Variants in KLHL38 observed in about 807,000 individuals in gnomAD.
KLHL38 encodes kelch like family member 38.
A neutral mutation model predicts 39.6 loss-of-function variants in KLHL38; 38 were observed. That is an observed-to-expected ratio of 0.96 (90% CI 0.74 to 1.26). The LOEUF (loss-of-function observed/expected upper bound fraction) is 1.26. Among genes scored for constraint, KLHL38 ranks in the 50% most tolerant of loss-of-function variants. The pLI is 0.00. For missense variants in KLHL38, 803 were observed against 748.1 expected, an observed-to-expected ratio of 1.07 and a Z score of -0.86; for synonymous variants, 322 against 302.2, an observed-to-expected ratio of 1.07 and a Z score of -0.68.
At chr8:123,647,722 A>G (rs1818686371) in intron 2 of KLHL38, among the ~76,000 whole-genome samples, 1 of 152,256 alleles carries the variant, frequency 6.6e-6, no homozygotes, top group Non-Finnish European at 1.5e-5. Flanking sequence ...AGAAGGAACA[A>G]GAGCATTTAT....
intron 2 of KLHL38, among the ~76,000 whole-genome samples, chr8:123,649,122 C>A (rs1812585806): frequency 1.3e-5 from 2 of 152,152 alleles, no homozygotes; most frequent in African/African-American, 4.8e-5. Flanking sequence ...TAGCTTGAAG[C>A]TTAAACTCTG....
At chr8:123,647,245 C>A (rs1158256244) in intron 2 of KLHL38, among the ~76,000 whole-genome samples, 1 of 152,138 alleles carries the variant, frequency 6.6e-6, no homozygotes, top group Non-Finnish European at 1.5e-5. Flanking sequence ...GGCTGTAATT[C>A]TATAGAATAG....
At chr8:123,649,851 C>G (rs977327325) in intron 2 of KLHL38, among the ~76,000 whole-genome samples, 14 of 152,192 alleles carry the variant, frequency 9.2e-5, no homozygotes, top group Non-Finnish European at 2.1e-4. Flanking sequence ...CCTCTTTGCT[C>G]TGTCTTGCAA....
In KLHL38 at chr8:123,652,549, G is replaced by A. The variant is rs748002639; in HGVS notation, c.378C>T (p.Tyr126=). The A allele has an allele frequency of 6.2e-6, 10 of 1,614,188 alleles. No individual in the cohort carries two copies. In the African/African-American group the frequency reaches 9.3e-5, roughly 15 times the overall value. Reference sequence around the variant, plus strand: ...TGCTGGGGGCCAACTGGCTCTGCAAGTACGAGGAGCAGGCCTCAAACAGCT... The same window carrying A: ...TGCTGGGGGCCAACTGGCTCTGCAAATACGAGGAGCAGGCCTCAAACAGCT... ...FPKLFEACSS[Y]LQSQLAPSNC... is the part of the protein sequence containing the mutation. The change falls in exon 2 of 4, where the codon TAC becomes TAT. Residue 126 remains tyrosine, a synonymous_variant. Transcript: ENST00000684634.
At chr8:123,646,078 T>G (rs1481389463) in intron 3 of KLHL38, 50 bp from the exon 4 acceptor site, 2 of 1,548,872 alleles carry the variant, frequency 1.3e-6, no homozygotes, top group Non-Finnish European at 1.8e-6. Flanking sequence ...CATCTGGGAC[T>G]GGAGGTCAGC....
rs188371653 is a variant in KLHL38, at chr8:123,645,343, G to A, written c.*396C>T. ...TCCCAGCTACTCAGGAGGCTGAGGCGTGAGAATCGCTTGAACCTGGGAGGT... is the reference window on the plus strand; with the variant it reads ...TCCCAGCTACTCAGGAGGCTGAGGCATGAGAATCGCTTGAACCTGGGAGGT... On this transcript the variant is annotated 3_prime_UTR_variant, in exon 4 of 4. Transcript: ENST00000684634. Among the ~76,000 whole-genome samples, 33 of 152,132 alleles carry A rather than the reference G, an allele frequency of 2.2e-4. 1 individual carries two copies. Among genetic ancestry groups the A allele is most frequent in the Middle Eastern group, 6.8e-3 (2 of 294 alleles).
rs1812697042 is a variant in KLHL38, at chr8:123,653,667, A to C, written c.-83T>G. Among the ~76,000 whole-genome samples, 1 of 152,138 alleles carries C rather than the reference A, an allele frequency of 6.6e-6. No homozygotes were observed. Among genetic ancestry groups the C allele is most frequent in the Non-Finnish European group, 1.5e-5 (1 of 68,022 alleles). On this transcript the variant is annotated 5_prime_UTR_variant, in exon 1 of 4. Coordinates refer to ENST00000684634, the MANE Select transcript of KLHL38 (RefSeq NM_001081675.3). ...GTTTCTACCTCTAGCTCCAAGGGAA[A>C]CCATAAACCCCAGGCCTTTCTTTCA...
Position 123,651,963 on chromosome 8 carries a change from G to C in KLHL38, c.964C>G (p.Leu322Val). 1 of 1,614,250 alleles carries C rather than the reference G, an allele frequency of 6.2e-7. No homozygotes were observed. Among genetic ancestry groups the C allele is most frequent in the Non-Finnish European group, 8.5e-7 (1 of 1,180,042 alleles). The change falls in exon 2 of 4, where the codon CTG (leucine) becomes GTG (valine). Residue 322 changes from leucine to valine, a missense_variant. Physicochemically the swap from Leu to Val is conservative, Grantham distance 32. Transcript: ENST00000684634. ...AAGGTGATGGCAGAGGCCTTGTACA[G>C]CCGTGTCGGGAGTTTGGCAAGGCTC... ...WQSLAKLPTR[L>V]YKASAITLHR...
rs140936275 is a variant in KLHL38 at position 123,646,791 on chromosome 8, G to C, written c.1456+118C>G. The C allele has an allele frequency of 1.4e-4, 89 of 632,138 alleles. No individual in the cohort carries two copies. In the African/African-American group the frequency reaches 1.6e-3, roughly 11 times the overall value. 39.2% of individuals were successfully genotyped at this position (632,138 alleles called of 1,614,324 possible). On this transcript the variant is annotated intron_variant, in intron 3 of 3. Coordinates refer to ENST00000684634, the MANE Select transcript of KLHL38 (RefSeq NM_001081675.3). ...TCAGATTCTCCACGCTCTTCTGGTT[G>C]GTTGGATGTGCTTTTGAAAAGACAG...
Position 123,652,420 on chromosome 8 carries a change from C to T in KLHL38, c.507G>A (p.Ser169=), listed in dbSNP as rs754135867. ...ALTSFPEVAA[S]ADLKELCALE... The stretch of plus-strand genomic sequence containing the variant: ...AGGCACAGAGCTCCTTCAGGTCGGC[C>T]GATGCGGCCACCTCTGGGAAGGACG... The change falls in exon 2 of 4, where the codon TCG becomes TCA. Residue 169 remains serine, a synonymous_variant. Transcript: ENST00000684634. 9.3e-6 allele frequency: 15 copies of T among 1,614,124 alleles called. No individual in the cohort carries two copies. The highest frequency in any genetic ancestry group is 1.7e-5 in the Admixed American group (1 of 60,026).
rs374419561 is a variant in KLHL38, at chr8:123,652,245, G to T, written c.682C>A (p.His228Asn). ...LFKQVRLQYI[H>N]PAFFHHFIAN... ...ATGAAGTGGTGAAAGAAGGCTGGGT[G>T]GATGTACTGCAGCCTGACCTGCTTG... The change falls in exon 2 of 4, where the codon CAC (histidine) becomes AAC (asparagine). Residue 228 changes from histidine (H) to asparagine (N), a missense_variant. Transcript: ENST00000684634. 14 of 1,614,050 alleles carry T rather than the reference G, an allele frequency of 8.7e-6. No individual in the cohort carries two copies. The African/African-American group carries it at 1.2e-4, about 14-fold the overall frequency.
Position 123,645,649 on chromosome 8 carries a change from CA to C in KLHL38, c.*89del. On this transcript the variant is annotated 3_prime_UTR_variant, in exon 4 of 4. Transcript: ENST00000684634. ...ACCTCAGTCTTGTGAGCTCTCCCTGCAGCCTTTAAGGGTTAAGCCCTTTGGA... is the reference window on the plus strand; with the variant it reads ...ACCTCAGTCTTGTGAGCTCTCCCTGCGCCTTTAAGGGTTAAGCCCTTTGGA... The C allele has an allele frequency of 4.2e-6, 6 of 1,430,994 alleles. No individual in the cohort carries two copies. The highest frequency in any genetic ancestry group is 5.8e-6 in the Non-Finnish European group (6 of 1,040,626). The allele number at this position is 1,430,994 out of a possible 1,614,324, so 88.6% of individuals were successfully genotyped here. A position where few individuals can be genotyped will look rare whatever the true frequency, so the allele number is the denominator to read the frequency against.
At position 123,652,102 on chromosome 8, in the gene KLHL38, A is replaced by T; in HGVS notation, c.825T>A (p.His275Gln). The change falls in exon 2 of 4, where the codon CAT (histidine) becomes CAA (glutamine). Residue 275 changes from histidine to glutamine, a missense_variant. Transcript: ENST00000684634. ...CTTGGTAAGAGTTTCTTGGAGGGAC[A>T]TGCAACAGGAGTTTGCAGTCTGGGA... ...TTVPDCKLLL[H>Q]VPPRNSYQDF... 1 of 1,614,222 alleles carries T rather than the reference A, an allele frequency of 6.2e-7. No homozygotes were observed.
chr8:123,650,387 G>T (rs962191670), intron 2 of KLHL38, among the ~76,000 whole-genome samples: 2 of 152,128 alleles, frequency 1.3e-5, no homozygotes, highest in Admixed American at 6.5e-5. Context: ...AGCTGTCTTG[G>T]GCTGTATGCG....
intron 1 of KLHL38, among the ~76,000 whole-genome samples, chr8:123,653,259 G>C (rs1812691821): frequency 6.6e-6 from 1 of 152,178 alleles, no homozygotes; most frequent in South Asian, 2.1e-4. Context: ...TCTGAAGCAA[G>C]ATAACAGTCC....
At position 123,645,667 on chromosome 8, in the gene KLHL38, C is replaced by T; in HGVS notation, c.*72G>A. The T allele has an allele frequency of 6.5e-7, 1 of 1,542,026 alleles. No homozygotes were observed. Among genetic ancestry groups the T allele is most frequent in the Non-Finnish European group, 8.9e-7 (1 of 1,128,794 alleles). ...CTCCCTGCAGCCTTTAAGGGTTAAG[C>T]CCTTTGGAGCTGGGTTTGTGTCCCT... On this transcript the variant is annotated 3_prime_UTR_variant, in exon 4 of 4. Coordinates refer to ENST00000684634, the MANE Select transcript of KLHL38 (RefSeq NM_001081675.3).
rs1812696394 is a variant in KLHL38 at position 123,653,595 on chromosome 8, C to T, written c.-11G>A. 6.6e-6 allele frequency among the ~76,000 whole-genome samples: 1 copy of T among 152,194 alleles called. No homozygotes were observed. Among genetic ancestry groups the T allele is most frequent in the Non-Finnish European group, 1.5e-5 (1 of 68,028 alleles). On this transcript the variant is annotated 5_prime_UTR_variant, in exon 1 of 4. Transcript: ENST00000684634. ...TATGAGGGACACTTACCTTGTTTTG[C>T]TGCGGTGACATCCACTGGTGCCTGG...
intron 2 of KLHL38, among the ~76,000 whole-genome samples, chr8:123,650,259 G>T (rs1812615362): frequency 6.6e-6 from 1 of 152,100 alleles, no homozygotes; most frequent in Non-Finnish European, 1.5e-5. Context: ...AAGGAGAGTT[G>T]TCTTGGGTCA....
At position 123,651,612 on chromosome 8, in the gene KLHL38, C is replaced by G. The variant is rs567415072; in HGVS notation, c.1315G>C (p.Glu439Gln). ...KDQRLYLFGG[E>Q]DIMQNPVRLI... is the part of the protein sequence containing the mutation. ...CGCACAGGGTTCTGCATGATGTCCT[C>G]TCCTCCAAAGAGATAGAGTCTTTGG... The change falls in exon 2 of 4, where the codon GAG becomes CAG. Residue 439 changes from glutamate to glutamine, a missense_variant. Physicochemically the swap from Glu to Gln is conservative, Grantham distance 29. Transcript: ENST00000684634. 2 of 1,603,516 alleles carry G rather than the reference C, an allele frequency of 1.2e-6. No individual in the cohort carries two copies. Among genetic ancestry groups the G allele is most frequent in the East Asian group, 2.2e-5 (1 of 44,866 alleles).
Sources: allele counts gnomAD v4.1 joint callset (sites outside exome capture counted in the v4.1 genomes callset), GRCh38; gene constraint gnomAD v4.1.1; transcripts MANE v1.5; gene names NCBI Gene and HGNC (gene_info 2026-07-23, HGNC 2026-07-21).